PPP1R42: variants seen among roughly 807,000 people sequenced by gnomAD.
The protein encoded by PPP1R42 is leucine rich repeat containing 67.
A neutral mutation model predicts 31.0 loss-of-function variants in PPP1R42; 34 were observed. The ratio of observed to expected loss-of-function variants is 1.10; its 90% confidence interval spans 0.83 to 1.46. PPP1R42 has a LOEUF of 1.46. Among genes scored for constraint, PPP1R42 ranks in the 40% most tolerant of loss-of-function variants. The pLI, the probability that PPP1R42 is intolerant of heterozygous loss-of-function variation, is 0.00. For synonymous variants in PPP1R42, 103 were observed against 109.8 expected (o/e 0.94, Z 0.39); for missense variants, 268 against 303.0 (o/e 0.88, Z 0.86).
At chr8:67,012,820 T>G in intron 4 of PPP1R42, 138 bp downstream of exon 4, 1 of 679,406 alleles carries the variant, frequency 1.5e-6, no homozygotes. Flanking sequence ...TCAGCTTCAG[T>G]CCTCTGATAA....
chr8:66,993,549 TTC>T (rs1815250765), intron 5 of PPP1R42, among the ~76,000 whole-genome samples: 1 of 152,220 alleles, frequency 6.6e-6, no homozygotes, highest in Non-Finnish European at 1.5e-5. Context: ...AGTGTTTCTT[TTC>T]TCTCAGAGCT....
chr8:66,988,381 T>C lies in PPP1R42; in HGVS notation c.670+19A>G, dbSNP rs1452754582. Reference sequence around the variant, plus strand: ...CTAGGTGTCATTCTCTTAAAAATTATATTAATATAAATATGTACCCAGTGA... The same window carrying C: ...CTAGGTGTCATTCTCTTAAAAATTACATTAATATAAATATGTACCCAGTGA... On this transcript the variant is annotated intron_variant, in intron 6 of 7. Transcript: ENST00000685739. The C allele has an allele frequency of 7.2e-7, 1 of 1,382,370 alleles. No homozygotes were observed. The highest frequency in any genetic ancestry group is 9.4e-7 in the Non-Finnish European group (1 of 1,065,298). 85.6% of individuals were successfully genotyped at this position (1,382,370 alleles called of 1,614,324 possible). A position where few individuals can be genotyped will look rare whatever the true frequency, so the allele number is the denominator to read the frequency against.
intron 7 of PPP1R42, among the ~76,000 whole-genome samples, chr8:66,977,120 G>A (rs573123093): frequency 3.3e-5 from 5 of 150,020 alleles, no homozygotes; most frequent in East Asian, 2.0e-4. Flanking sequence ...TGCAACCTCC[G>A]CCTCCCAGGT....
intron 5 of PPP1R42, among the ~76,000 whole-genome samples, chr8:66,996,461 T>C (rs1378050596): frequency 6.6e-6 from 1 of 152,200 alleles, no homozygotes; most frequent in Non-Finnish European, 1.5e-5. Context: ...TTGCCTAATT[T>C]CTTAGTTTTC....
intron 5 of PPP1R42, among the ~76,000 whole-genome samples, chr8:66,991,199 GTT>G (rs1815179289): frequency 6.6e-6 from 1 of 152,136 alleles, no homozygotes; most frequent in Admixed American, 6.5e-5. Context: ...TGTTCTTCAA[GTT>G]TTATACATTT....
At chr8:66,996,247 T>C (rs1815331401) in intron 5 of PPP1R42, among the ~76,000 whole-genome samples, 1 of 152,200 alleles carries the variant, frequency 6.6e-6, no homozygotes. Flanking sequence ...AGATAGGGTT[T>C]CACCATCTTT....
At chr8:66,966,436 C>T (rs1814381620) in intron 7 of PPP1R42, among the ~76,000 whole-genome samples, 1 of 152,178 alleles carries the variant, frequency 6.6e-6, no homozygotes, top group South Asian at 2.1e-4. Context: ...CCTCATTTTC[C>T]CATCTATAAA....
intron 7 of PPP1R42, among the ~76,000 whole-genome samples, chr8:66,977,919 G>A (rs959783579): frequency 1.2e-4 from 18 of 152,200 alleles, no homozygotes; most frequent in African/African-American, 4.3e-4. Context: ...AAAGCACTGG[G>A]ATTACAGTTG....
At chr8:67,010,660 T>G (rs1815814025) in intron 5 of PPP1R42, 55 bp downstream of exon 5, 1 of 1,242,448 alleles carries the variant, frequency 8.0e-7, no homozygotes, top group South Asian at 1.3e-5. Context: ...TACAAAACAT[T>G]TTTCAATCAT....
At chr8:66,976,886 G>C (rs948879421) in intron 7 of PPP1R42, among the ~76,000 whole-genome samples, 1 of 152,068 alleles carries the variant, frequency 6.6e-6, no homozygotes, top group East Asian at 1.9e-4. Context: ...ATGTCTCCTT[G>C]ATACACTGAT....
chr8:66,972,763 T>C (rs1395672315), intron 7 of PPP1R42, among the ~76,000 whole-genome samples: 1 of 152,222 alleles, frequency 6.6e-6, no homozygotes, highest in African/African-American at 2.4e-5. Context: ...ATTTGTCATA[T>C]TATCCTATTT....
chr8:66,967,453 C>T lies in PPP1R42; in HGVS notation c.803-3119G>A, dbSNP rs559940810. On this transcript the variant is annotated intron_variant, in intron 7 of 7. Transcript: ENST00000685739. ...AAATAGACCGTTATGTTTAACAAAG[C>T]AAAATTTGCAAGTGAGTTTATATAA... is the stretch of plus-strand genomic sequence containing the variant. 5.9e-5 allele frequency among the ~76,000 whole-genome samples: 9 copies of T among 152,238 alleles called. No individual in the cohort carries two copies. In the South Asian group the frequency reaches 1.9e-3, roughly 32 times the overall value.
At chr8:66,968,437 T>A (rs1814446497) in intron 7 of PPP1R42, 1 of 983,094 alleles carries the variant, frequency 1.0e-6, no homozygotes, top group Non-Finnish European at 1.2e-6. Context: ...CGTAAGCTTA[T>A]TTCTACCTCT....
intron 5 of PPP1R42, among the ~76,000 whole-genome samples, chr8:67,003,694 A>G (rs1454082018): frequency 6.6e-6 from 1 of 152,160 alleles, no homozygotes; most frequent in Non-Finnish European, 1.5e-5. Context: ...CTGTGGTCCA[A>G]ATGTGTCCCC....
chr8:67,026,693 A>G (rs1263704372), intron 1 of PPP1R42, among the ~76,000 whole-genome samples: 1 of 151,930 alleles, frequency 6.6e-6, no homozygotes, highest in Non-Finnish European at 1.5e-5. Flanking sequence ...TGAGCCGGGC[A>G]TGGTGGTACA....
At chr8:66,984,271 G>A (rs1814935048) in intron 6 of PPP1R42, 4 of 1,426,502 alleles carry the variant, frequency 2.8e-6, no homozygotes, top group Non-Finnish European at 4.0e-6. Flanking sequence ...CCGGTCTTTG[G>A]CTGTACCCTC....
chr8:67,027,994 G>T (rs367768275), intron 1 of PPP1R42, among the ~76,000 whole-genome samples: 3 of 151,994 alleles, frequency 2.0e-5, no homozygotes, highest in African/African-American at 7.2e-5. Flanking sequence ...TTTCGGTTTG[G>T]GGGGTACATG....
intron 7 of PPP1R42, among the ~76,000 whole-genome samples, chr8:66,973,551 C>G (rs1814593433): frequency 6.6e-6 from 1 of 152,220 alleles, no homozygotes; most frequent in African/African-American, 2.4e-5. Flanking sequence ...AGTGATCTGC[C>G]TGCCTCAGCC....
chr8:67,007,764 C>T (rs1285439900), intron 5 of PPP1R42, among the ~76,000 whole-genome samples: 1 of 152,102 alleles, frequency 6.6e-6, no homozygotes, highest in East Asian at 1.9e-4. Flanking sequence ...ATGCTACCAA[C>T]CCATTAGTCA....
Sources: allele counts gnomAD v4.1 joint callset (sites outside exome capture counted in the v4.1 genomes callset), GRCh38; gene constraint gnomAD v4.1.1; transcripts MANE v1.5; gene names NCBI Gene and HGNC (gene_info 2026-07-23, HGNC 2026-07-21).